Variants in TCF12 observed in about 807,000 individuals in gnomAD.
TCF12 encodes DNA-binding protein HTF4.
Under a neutral mutation model 86.0 loss-of-function variants are expected in TCF12, and 45 were observed. The observed-to-expected ratio is 0.52, with a 90% CI of 0.41 to 0.67. The LOEUF (loss-of-function observed/expected upper bound fraction) is 0.67. TCF12 is among the 30% of genes least tolerant of loss of function. TCF12 has a pLI of 0.00. For missense variants in TCF12, 881 were observed against 859.9 expected (o/e 1.02, Z -0.31); for synonymous variants, 330 against 299.6 (o/e 1.10, Z -1.05).
intron 8 of TCF12, among the ~76,000 whole-genome samples, chr15:57,213,454 A>C (rs1432086931): frequency 6.6e-6 from 1 of 152,250 alleles, no homozygotes; most frequent in Non-Finnish European, 1.5e-5. Context: ...TACTACCACT[A>C]GCAAGAATTT....
At chr15:57,261,800 T>A (rs1567007710) in intron 16 of TCF12, among the ~76,000 whole-genome samples, 1 of 152,228 alleles carries the variant, frequency 6.6e-6, no homozygotes, top group Non-Finnish European at 1.5e-5. Context: ...TATAGAATGC[T>A]TTGTCAGCTC....
At chr15:57,270,943 G>C (rs571906897) in intron 18 of TCF12, among the ~76,000 whole-genome samples, 1 of 152,224 alleles carries the variant, frequency 6.6e-6, no homozygotes, top group East Asian at 1.9e-4. Flanking sequence ...TGGAAGCTTC[G>C]TCCCAGAGGG....
intron 16 of TCF12, 36 bp downstream of exon 16, chr15:57,253,504 A>T: frequency 1.9e-6 from 3 of 1,605,500 alleles, no homozygotes; most frequent in Non-Finnish European, 2.6e-6. Context: ...AGTAAACCCT[A>T]AAGATTCTTG....
rs1466168941 is a variant in TCF12 at position 57,286,394 on chromosome 15, T to C, written c.*249T>C. The C allele has an allele frequency of 1.1e-5, 3 of 262,978 alleles. No individual in the cohort carries two copies. Among genetic ancestry groups the C allele is most frequent in the Admixed American group, 5.0e-5 (1 of 19,956 alleles). 16.3% of individuals were successfully genotyped at this position (262,978 alleles called of 1,614,324 possible). ...CCATGAGATGTTTGCAACAAATCTT[T>C]TGTTGCAAGCAGTGTGTCGCTTCTG... On this transcript the variant is annotated 3_prime_UTR_variant, in exon 21 of 21. Transcript: ENST00000333725.
chr15:57,260,679 A>T (rs975488489), intron 16 of TCF12, among the ~76,000 whole-genome samples: 2 of 152,122 alleles, frequency 1.3e-5, no homozygotes, highest in East Asian at 3.8e-4. Context: ...AGTAGGCCTA[A>T]TCTTCCAAGG....
Position 57,043,710 on chromosome 15 carries a change from A to G in TCF12, c.149-20040A>G, listed in dbSNP as rs188487018. Among the ~76,000 whole-genome samples the G allele has an allele frequency of 3.2e-4, 49 of 152,322 alleles. No homozygotes were observed. The East Asian group carries it at 8.9e-3, about 28-fold the overall frequency. On this transcript the variant is annotated intron_variant, in intron 3 of 20. Transcript: ENST00000333725. ...TACTGAATTTCTGGAAGTCTTTGTG[A>G]TTGTGTTTGAATTCTATGAAGTGTT...
At position 57,033,690 on chromosome 15, in the gene TCF12, C is replaced by T. The variant is rs530591648; in HGVS notation, c.149-30060C>T. ...AAGTAGGTTCTTACTTATTTTTCTA[C>T]GTATAGAATTTTATGATATATTAGT... On this transcript the variant is annotated intron_variant, in intron 3 of 20. Transcript: ENST00000333725. 7.2e-5 allele frequency among the ~76,000 whole-genome samples: 11 copies of T among 152,132 alleles called. No homozygotes were observed. In the South Asian group the frequency reaches 1.0e-3, roughly 14 times the overall value.
intron 4 of TCF12, among the ~76,000 whole-genome samples, chr15:57,086,915 G>A (rs760913045): frequency 6.8e-4 from 104 of 151,948 alleles, no homozygotes; most frequent in Non-Finnish European, 1.2e-3. Flanking sequence ...TAAATGAGCC[G>A]TTTTAAAAAT....
At chr15:57,054,278 G>T (rs1212456049) in intron 3 of TCF12, among the ~76,000 whole-genome samples, 3 of 152,122 alleles carry the variant, frequency 2.0e-5, no homozygotes, top group African/African-American at 4.8e-5. Flanking sequence ...TTTTTAAATA[G>T]CAAATTGTGT....
chr15:57,274,144 C>T (rs1268054704), intron 19 of TCF12, among the ~76,000 whole-genome samples: 1 of 152,156 alleles, frequency 6.6e-6, no homozygotes, highest in East Asian at 1.9e-4. Flanking sequence ...TCTCTCAGAG[C>T]AATTCTTTCG....
intron 3 of TCF12, among the ~76,000 whole-genome samples, chr15:56,998,327 C>T (rs577700022): frequency 2.0e-5 from 3 of 151,670 alleles, no homozygotes; most frequent in Admixed American, 6.6e-5. Flanking sequence ...TGTGGTAGCA[C>T]GTGGTTGTAG....
At chr15:56,937,927 T>G (rs1175404089) in intron 3 of TCF12, among the ~76,000 whole-genome samples, 1 of 152,150 alleles carries the variant, frequency 6.6e-6, no homozygotes, top group Non-Finnish European at 1.5e-5. Context: ...GGATTATCTT[T>G]TTGATATACT....
intron 6 of TCF12, among the ~76,000 whole-genome samples, chr15:57,174,451 C>G (rs916234139): frequency 2.0e-5 from 3 of 152,160 alleles, no homozygotes; most frequent in African/African-American, 7.2e-5. Flanking sequence ...CTATGGCTAA[C>G]AGAATACTTA....
intron 18 of TCF12, among the ~76,000 whole-genome samples, chr15:57,271,058 C>T (rs2061117693): frequency 6.6e-6 from 1 of 152,196 alleles, no homozygotes; most frequent in African/African-American, 2.4e-5. Flanking sequence ...TCTCCATTAT[C>T]AGAGCTCGAA....
chr15:57,166,922 G>A (rs2703614), intron 6 of TCF12, among the ~76,000 whole-genome samples: 111,730 of 152,024 alleles, frequency 0.73, 42,266 homozygotes, highest in Non-Finnish European at 0.82. Flanking sequence ...TCTTTGTTTC[G>A]ACTCTCCCAC....
chr15:57,219,493 C>A (rs1240518238), intron 8 of TCF12: 1 of 1,606,608 alleles, frequency 6.2e-7, no homozygotes, highest in Admixed American at 1.7e-5. Context: ...TGTGCATTAG[C>A]TACAAATAGT....
chr15:57,194,880 T>C (rs1380476270), intron 7 of TCF12, among the ~76,000 whole-genome samples: 1 of 152,108 alleles, frequency 6.6e-6, no homozygotes, highest in East Asian at 1.9e-4. Context: ...CTTACTCTCT[T>C]TTTATTCTAT....
chr15:57,110,180 G>A (rs2050393644), intron 5 of TCF12, among the ~76,000 whole-genome samples: 1 of 152,116 alleles, frequency 6.6e-6, no homozygotes, highest in Admixed American at 6.5e-5. Flanking sequence ...GAAAGATAAT[G>A]GTTCTAAGGG....
At chr15:57,138,132 C>T (rs1157893468) in intron 5 of TCF12, among the ~76,000 whole-genome samples, 1 of 152,138 alleles carries the variant, frequency 6.6e-6, no homozygotes, top group African/African-American at 2.4e-5. Context: ...AGAACAAAGA[C>T]AGGCAAAAGA....
Sources: allele counts gnomAD v4.1 joint callset (sites outside exome capture counted in the v4.1 genomes callset), GRCh38; gene constraint gnomAD v4.1.1; transcripts MANE v1.5; gene names NCBI Gene and HGNC (gene_info 2026-07-23, HGNC 2026-07-21).